PAPSS2: variants seen among roughly 807,000 people sequenced by gnomAD.
PAPSS2 encodes the protein 3'-phosphoadenosine 5'-phosphosulfate synthase 2.
In PAPSS2, 61 loss-of-function variants were observed where a neutral mutation model predicts 66.5. That is an observed-to-expected ratio of 0.92 (90% CI 0.75 to 1.14). The LOEUF (loss-of-function observed/expected upper bound fraction) is 1.14. PAPSS2 is among the 50% of genes most tolerant of loss of function. The pLI is 0.00. For missense variants in PAPSS2, 708 were observed against 789.6 expected (o/e 0.90, Z 1.24); for synonymous variants, 289 against 287.5 (o/e 1.01, Z -0.05).
intron 1 of PAPSS2, among the ~76,000 whole-genome samples, chr10:87,680,429 A>G (rs1853005313): frequency 6.6e-6 from 1 of 152,102 alleles, no homozygotes; most frequent in Non-Finnish European, 1.5e-5. Flanking sequence ...TTCATTCATC[A>G]ATGGAATACA....
chr10:87,669,363 A>G (rs1852849821), intron 1 of PAPSS2, among the ~76,000 whole-genome samples: 1 of 152,244 alleles, frequency 6.6e-6, no homozygotes, highest in African/African-American at 2.4e-5. Flanking sequence ...AGTCGATTAC[A>G]GTAACCATGT....
At chr10:87,702,711 G>T (rs1351304003) in intron 1 of PAPSS2, among the ~76,000 whole-genome samples, 2 of 151,982 alleles carry the variant, frequency 1.3e-5, no homozygotes, top group African/African-American at 4.8e-5. Flanking sequence ...GCACGTGCTT[G>T]TTTTTTTTAA....
At chr10:87,672,802 A>G (rs1173908944) in intron 1 of PAPSS2, among the ~76,000 whole-genome samples, 1 of 152,256 alleles carries the variant, frequency 6.6e-6, no homozygotes, top group Non-Finnish European at 1.5e-5. Flanking sequence ...CTGTTTTGGT[A>G]GGCCTATAAG....
At chr10:87,710,749 C>T (rs1221984972) in intron 2 of PAPSS2, among the ~76,000 whole-genome samples, 1 of 152,058 alleles carries the variant, frequency 6.6e-6, no homozygotes, top group Non-Finnish European at 1.5e-5. Context: ...GCCTATAATC[C>T]CAGCACTTTG....
rs1852727538 is a variant in PAPSS2 at position 87,659,988 on chromosome 10, G to C, written c.7G>C (p.Gly3Arg). The change falls in exon 1 of 13, where the codon GGG becomes CGG. Residue 3 changes from glycine (G) to arginine (R), a missense_variant. Physicochemically the swap from Gly to Arg is moderately radical, Grantham distance 125. Coordinates refer to ENST00000456849, the MANE Select transcript of PAPSS2 (RefSeq NM_001015880.2). ...TCCGCCGCAGCCAGCCAGCATGTCGGGGATCAAGAAGCAAAAGACGGTAGG... is the reference window on the plus strand; with the variant it reads ...TCCGCCGCAGCCAGCCAGCATGTCGCGGATCAAGAAGCAAAAGACGGTAGG... MS[G>R]IKKQKTENQQ... 6.2e-7 allele frequency: 1 copy of C among 1,613,338 alleles called. No individual in the cohort carries two copies.
chr10:87,704,517 G>A (rs970587756), intron 1 of PAPSS2, among the ~76,000 whole-genome samples: 2 of 152,224 alleles, frequency 1.3e-5, no homozygotes, highest in Non-Finnish European at 2.9e-5. Context: ...CAGGTGGGCA[G>A]CAGCACCTTA....
In PAPSS2 at chr10:87,715,050, C is replaced by A. The variant is rs748727745; in HGVS notation, c.705C>A (p.Asp235Glu). Residue 235 changes from aspartate (D) to glutamate (E), a missense_variant, in exon 6 of 13, where the codon GAC becomes GAA. Physicochemically the swap from Asp to Glu is conservative, Grantham distance 45. Coordinates refer to ENST00000456849, the MANE Select transcript of PAPSS2 (RefSeq NM_001015880.2). ...HELFVPENKLDHVRAEAETLP... is the reference protein window; with the variant it reads ...HELFVPENKLEHVRAEAETLP... ...TCTTTGTGCCGGAAAACAAACTTGACCACGTCCGAGCTGAGGCTGAAACTC... is the reference window on the plus strand; with the variant it reads ...TCTTTGTGCCGGAAAACAAACTTGAACACGTCCGAGCTGAGGCTGAAACTC... 16 of 1,613,322 alleles carry A rather than the reference C, an allele frequency of 9.9e-6. No individual in the cohort carries two copies. Among genetic ancestry groups the A allele is most frequent in the African/African-American group, 1.3e-5 (1 of 75,028 alleles).
chr10:87,683,977 G>A (rs544947894), intron 1 of PAPSS2, among the ~76,000 whole-genome samples: 3 of 152,246 alleles, frequency 2.0e-5, no homozygotes, highest in South Asian at 2.1e-4. Context: ...TTACAGAAGC[G>A]TGCCACCACA....
At position 87,714,862 on chromosome 10, in the gene PAPSS2, AG is replaced by A; in HGVS notation, c.639+1del. On this transcript the variant is annotated frameshift_variant and splice_region_variant, in exon 5 of 13. Coordinates refer to ENST00000456849, the MANE Select transcript of PAPSS2 (RefSeq NM_001015880.2). LOFTEE classifies it high-confidence loss of function. ...CAGGTAGTGGAACTTCTGCAAGAGC[AG>A]GTAGGTGAACCGGTTGTCTTTTTTT... ...VHQVVELLQE[Q>X]NIVPYTIIKD... is the part of the protein sequence containing the mutation. 1 of 1,580,366 alleles carries A rather than the reference AG, an allele frequency of 6.3e-7. No homozygotes were observed. The highest frequency in any genetic ancestry group is 8.7e-7 in the Non-Finnish European group (1 of 1,149,216).
intron 7 of PAPSS2, among the ~76,000 whole-genome samples, chr10:87,718,403 A>G (rs948477492): frequency 2.0e-5 from 3 of 152,056 alleles, no homozygotes; most frequent in African/African-American, 7.2e-5. Context: ...TATTGCTCCC[A>G]CTTTCCATGT....
At chr10:87,665,490 C>T (rs570242763) in intron 1 of PAPSS2, among the ~76,000 whole-genome samples, 13 of 152,220 alleles carry the variant, frequency 8.5e-5, no homozygotes, top group Non-Finnish European at 1.8e-4. Context: ...GGATTACAGG[C>T]GTGAGCCACC....
intron 1 of PAPSS2, 128 bp downstream of exon 1, chr10:87,660,136 G>A: frequency 1.1e-6 from 1 of 917,278 alleles, no homozygotes; most frequent in Admixed American, 2.0e-5. Flanking sequence ...AGTAAGAGTG[G>A]GGCACGGAGG....
At chr10:87,697,264 C>T (rs548843350) in intron 1 of PAPSS2, among the ~76,000 whole-genome samples, 1 of 152,276 alleles carries the variant, frequency 6.6e-6, no homozygotes, top group South Asian at 2.1e-4. Context: ...CAGGCAGGCT[C>T]AGGGCTCCAG....
rs1554869630 is a variant in PAPSS2, at chr10:87,746,405, C to CA, written c.*446dup. 0.042 allele frequency: 6,370 copies of CA among 150,152 alleles called. 352 individuals carry two copies. Among genetic ancestry groups the CA allele is most frequent in the African/African-American group, 0.13 (5,300 of 40,756 alleles). 9.3% of individuals were successfully genotyped at this position (150,152 alleles called of 1,614,324 possible). On this transcript the variant is annotated 3_prime_UTR_variant, in exon 13 of 13. Coordinates refer to ENST00000456849, the MANE Select transcript of PAPSS2 (RefSeq NM_001015880.2). ...ATTGTGTCCTCTTCTGTACAATTGA[C>CA]AAAAAAAAAAATTTTTTTTTCTCAC...
At chr10:87,733,216 C>CT (rs1489418488) in intron 9 of PAPSS2, among the ~76,000 whole-genome samples, 1 of 152,156 alleles carries the variant, frequency 6.6e-6, no homozygotes, top group Non-Finnish European at 1.5e-5. Context: ...AATGGTCTGC[C>CT]TTTGTTACAG....
chr10:87,693,092 T>G (rs1343300258), intron 1 of PAPSS2, among the ~76,000 whole-genome samples: 1 of 152,208 alleles, frequency 6.6e-6, no homozygotes, highest in Non-Finnish European at 1.5e-5. Context: ...AAAATGCCCT[T>G]TGCTTTGCTC....
In PAPSS2 at chr10:87,709,252, TAA is replaced by T; in HGVS notation, c.85_86del (p.Lys29GlufsTer57). 6.2e-7 allele frequency: 1 copy of T among 1,613,644 alleles called. No homozygotes were observed. Among genetic ancestry groups the T allele is most frequent in the East Asian group, 2.2e-5 (1 of 44,876 alleles). On this transcript the variant is annotated frameshift_variant, in exon 2 of 13. Coordinates refer to ENST00000456849, the MANE Select transcript of PAPSS2 (RefSeq NM_001015880.2). LOFTEE classifies it high-confidence loss of function. ...VYQAHHVSRNKRGQVVGTRGG... is the reference protein window; with the variant it reads ...VYQAHHVSRNXRGQVVGTRGG... The stretch of plus-strand genomic sequence containing the variant: ...ATCAGGCCCACCATGTGAGCAGGAA[TAA>T]GAGAGGGCAAGTGGTTGGAACAAGG...
chr10:87,665,641 A>G (rs891766879), intron 1 of PAPSS2, among the ~76,000 whole-genome samples: 2 of 152,286 alleles, frequency 1.3e-5, no homozygotes, highest in East Asian at 1.9e-4. Flanking sequence ...ATGCCAAGAC[A>G]ATTGTCCTTG....
chr10:87,746,885 AC>A lies in PAPSS2; in HGVS notation c.*918del, dbSNP rs1451544621. Reference sequence around the variant, plus strand: ...AAGACCACAGAAAACAAAGAATCCAACCCTTTCATCTTACAGGTGAACAAAC... The same window carrying A: ...AAGACCACAGAAAACAAAGAATCCAACCTTTCATCTTACAGGTGAACAAAC... On this transcript the variant is annotated 3_prime_UTR_variant, in exon 13 of 13. Coordinates refer to ENST00000456849, the MANE Select transcript of PAPSS2 (RefSeq NM_001015880.2). The A allele has an allele frequency of 2.0e-5, 3 of 152,178 alleles. No individual in the cohort carries two copies. The highest frequency in any genetic ancestry group is 4.4e-5 in the Non-Finnish European group (3 of 68,036). The allele number at this position is 152,178 out of a possible 1,614,324, so 9.4% of individuals were successfully genotyped here.
Sources: gnomAD v4.1 joint callset for allele counts (sites outside exome capture counted in the v4.1 genomes callset) on GRCh38, gnomAD v4.1.1 for gene constraint, MANE v1.5 for transcripts, NCBI Gene and HGNC (gene_info 2026-07-23, HGNC 2026-07-21) for gene names.